Variants in NUDT4 observed in about 807,000 individuals in gnomAD.
The protein encoded by NUDT4 is diphosphoinositol polyphosphate phosphohydrolase 2.
A neutral mutation model predicts 23.1 loss-of-function variants in NUDT4; 5 were observed. The observed-to-expected ratio is 0.22, with a 90% confidence interval of 0.11 to 0.46. The LOEUF is 0.46. Among genes scored for constraint, NUDT4 ranks in the 20% least tolerant of loss-of-function variants. The pLI, the probability that NUDT4 is intolerant of heterozygous loss-of-function variation, is 0.99. For synonymous variants in NUDT4, 50 were observed against 79.0 expected, an observed-to-expected ratio of 0.63 and a Z score of 1.95; for missense variants, 96 against 211.6, an observed-to-expected ratio of 0.45 and a Z score of 3.39.
intron 1 of NUDT4, among the ~76,000 whole-genome samples, chr12:93,391,563 TCAA>T (rs1876504714): frequency 7.9e-6 from 1 of 127,136 alleles, no homozygotes; most frequent in Admixed American, 7.6e-5. Flanking sequence ...AGACTCCATT[TCAA>T]AAAAAAAAAA....
chr12:93,407,127 C>G lies in NUDT4; in HGVS notation c.*7748C>G, dbSNP rs2121042995. 1 of 152,588 alleles carries G rather than the reference C, an allele frequency of 6.6e-6. No homozygotes were observed. The highest frequency in any genetic ancestry group is 2.1e-4 in the South Asian group (1 of 4,826). The allele number at this position is 152,588 out of a possible 1,614,324, so 9.5% of individuals were successfully genotyped here. On this transcript the variant is annotated 3_prime_UTR_variant, in exon 5 of 5. Transcript: ENST00000415493. Reference sequence around the variant, plus strand: ...CCTCCTAAAGTGCTGGGATTACAGGCATGAGCCACTGTGCCCGGCCTGGGC... The same window carrying G: ...CCTCCTAAAGTGCTGGGATTACAGGGATGAGCCACTGTGCCCGGCCTGGGC...
rs937863744 is a variant in NUDT4, at chr12:93,405,140, A to G, written c.*5761A>G. On this transcript the variant is annotated 3_prime_UTR_variant, in exon 5 of 5. Coordinates refer to ENST00000415493, the MANE Select transcript of NUDT4 (RefSeq NM_019094.6). ...CCTAAGAGAAACAGCACCAAGTTCA[A>G]TCTAGTGCAATCAGCCTATCACATC... 6.6e-6 allele frequency: 1 copy of G among 152,158 alleles called. No homozygotes were observed. The highest frequency in any genetic ancestry group is 1.5e-5 in the Non-Finnish European group (1 of 68,022). The allele number at this position is 152,158 out of a possible 1,614,324, so 9.4% of individuals were successfully genotyped here. A position where few individuals can be genotyped will look rare whatever the true frequency, so the allele number is the denominator to read the frequency against.
At position 93,405,648 on chromosome 12, in the gene NUDT4, A is replaced by G. The variant is rs1358669719; in HGVS notation, c.*6269A>G. ...TAAAATGGAGATGAGTGCAGGGGTGAGTGTATAGTTAAGAAAACAAACAAT... is the reference window on the plus strand; with the variant it reads ...TAAAATGGAGATGAGTGCAGGGGTGGGTGTATAGTTAAGAAAACAAACAAT... On this transcript the variant is annotated 3_prime_UTR_variant, in exon 5 of 5. Transcript: ENST00000415493. 2 of 152,244 alleles carry G rather than the reference A, an allele frequency of 1.3e-5. No homozygotes were observed. Among genetic ancestry groups the G allele is most frequent in the East Asian group, 3.8e-4 (2 of 5,206 alleles). The allele number at this position is 152,244 out of a possible 1,614,324, so 9.4% of individuals were successfully genotyped here.
At chr12:93,386,428 A>C (rs1239768238) in intron 1 of NUDT4, among the ~76,000 whole-genome samples, 1 of 152,132 alleles carries the variant, frequency 6.6e-6, no homozygotes, top group Non-Finnish European at 1.5e-5. Flanking sequence ...AATACAAAAA[A>C]AATGAGCCGA....
intron 1 of NUDT4, among the ~76,000 whole-genome samples, chr12:93,385,741 G>A (rs571695434): frequency 6.6e-6 from 1 of 151,802 alleles, no homozygotes; most frequent in East Asian, 1.9e-4. Flanking sequence ...CACTTTTGTA[G>A]GAGGGGCTTA....
At position 93,401,922 on chromosome 12, in the gene NUDT4, A is replaced by ATG; in HGVS notation, c.*2544_*2545insGT. ...CAGAGTGTTGGGACTGTCATTTGTG[A>ATG]TTTTTTTTTTTTTTTTTTGGTGGGG... On this transcript the variant is annotated 3_prime_UTR_variant, in exon 5 of 5. Transcript: ENST00000415493. 1.1e-5 allele frequency: 1 copy of ATG among 92,734 alleles called. No individual in the cohort carries two copies. Among genetic ancestry groups the ATG allele is most frequent in the African/African-American group, 3.7e-5 (1 of 27,114 alleles). The allele number at this position is 92,734 out of a possible 1,614,324, so 5.7% of individuals were successfully genotyped here.
At chr12:93,398,355 A>AAG (rs1555194666) in intron 3 of NUDT4, among the ~76,000 whole-genome samples, 22 of 150,702 alleles carry the variant, frequency 1.5e-4, no homozygotes, top group South Asian at 2.1e-4. Flanking sequence ...AAAAAAAAAA[A>AAG]AAAAGAAAAG....
At chr12:93,385,944 TA>T (rs1565777309) in intron 1 of NUDT4, among the ~76,000 whole-genome samples, 2,570 of 45,062 alleles carry the variant, frequency 0.057, 46 homozygotes, top group South Asian at 0.14. Context: ...AATCTTTTTA[TA>T]TATATATATA....
intron 1 of NUDT4, among the ~76,000 whole-genome samples, chr12:93,385,349 CA>C (rs1259898474): frequency 6.6e-6 from 1 of 152,218 alleles, no homozygotes; most frequent in East Asian, 1.9e-4. Context: ...TCTGGCTCTG[CA>C]ACCTGGTAGA....
chr12:93,392,700 C>T (rs1428251030), intron 1 of NUDT4, among the ~76,000 whole-genome samples: 1 of 95,988 alleles, frequency 1.0e-5, no homozygotes, highest in Non-Finnish European at 2.0e-5. Context: ...GAGATGGAGT[C>T]TTGCTCTGTT....
Position 93,399,182 on chromosome 12 carries a change from A to G in NUDT4, c.346A>G (p.Lys116Glu). 1 of 1,607,176 alleles carries G rather than the reference A, an allele frequency of 6.2e-7. No individual in the cohort carries two copies. Among genetic ancestry groups the G allele is most frequent in the Non-Finnish European group, 8.5e-7 (1 of 1,173,776 alleles). Residue 116 changes from lysine to glutamate, a missense_variant, in exon 5 of 5, where the codon AAG becomes GAG. Coordinates refer to ENST00000415493, the MANE Select transcript of NUDT4 (RefSeq NM_019094.6). Reference protein sequence around the residue: ...DWEDSVNIGRKREWFKVEDAI... With the variant: ...DWEDSVNIGREREWFKVEDAI... ...AATGTCATTCTTTTCTCTAGGAAGG[A>G]AGAGAGAGTGGTTCAAAGTAGAAGA... is the stretch of plus-strand genomic sequence containing the variant.
intron 1 of NUDT4, 79 bp from the exon 2 acceptor site, chr12:93,394,530 C>CT (rs1876791598): frequency 3.8e-6 from 3 of 783,022 alleles, no homozygotes; most frequent in Non-Finnish European, 6.5e-6. Context: ...GAGTTATAAC[C>CT]TTGCAGAGGT....
At chr12:93,379,444 A>T (rs572157780) in intron 1 of NUDT4, among the ~76,000 whole-genome samples, 1 of 152,326 alleles carries the variant, frequency 6.6e-6, no homozygotes, top group Admixed American at 6.5e-5. Flanking sequence ...AAGGCTGGAG[A>T]TGGGAATTTA....
At position 93,404,561 on chromosome 12, in the gene NUDT4, A is replaced by C. The variant is rs1299603522; in HGVS notation, c.*5182A>C. ...GATTTATGAAACTGGTACCAATTTA[A>C]TATTCAAATGTGATTAAGTCATGGC... On this transcript the variant is annotated 3_prime_UTR_variant, in exon 5 of 5. Transcript: ENST00000415493. The C allele has an allele frequency of 6.6e-6, 1 of 152,228 alleles. No individual in the cohort carries two copies. The highest frequency in any genetic ancestry group is 1.5e-5 in the Non-Finnish European group (1 of 68,034). The allele number at this position is 152,228 out of a possible 1,614,324, so 9.4% of individuals were successfully genotyped here.
chr12:93,399,405 C>T lies in NUDT4; in HGVS notation c.*26C>T, dbSNP rs755589515. Reference sequence around the variant, plus strand: ...AGAGAACTGGGTAGGCCTCTCCCACCATGTGCAGTCTCATGGGGAGAGGCT... The same window carrying T: ...AGAGAACTGGGTAGGCCTCTCCCACTATGTGCAGTCTCATGGGGAGAGGCT... On this transcript the variant is annotated 3_prime_UTR_variant, in exon 5 of 5. Coordinates refer to ENST00000415493, the MANE Select transcript of NUDT4 (RefSeq NM_019094.6). 10 of 596,692 alleles carry T rather than the reference C, an allele frequency of 1.7e-5. No individual in the cohort carries two copies. The Admixed American group carries it at 3.1e-4, about 18-fold the overall frequency. 37.0% of individuals were successfully genotyped at this position (596,692 alleles called of 1,614,324 possible). A position where few individuals can be genotyped will look rare whatever the true frequency, so the allele number is the denominator to read the frequency against.
intron 1 of NUDT4, among the ~76,000 whole-genome samples, chr12:93,385,990 T>C (rs1565777392): frequency 6.9e-6 from 1 of 144,860 alleles, no homozygotes. Context: ...TTTTTTTCTT[T>C]TTGAGATAGA....
intron 1 of NUDT4, among the ~76,000 whole-genome samples, chr12:93,381,587 C>T (rs1172377970): frequency 6.6e-6 from 1 of 152,144 alleles, no homozygotes; most frequent in African/African-American, 2.4e-5. Context: ...GTCGGGTATT[C>T]TGGGGTTCAG....
At position 93,405,697 on chromosome 12, in the gene NUDT4, TGACA is replaced by T. The variant is rs1322437866; in HGVS notation, c.*6321_*6324del. ...ATATATTACTAGTCCAGGTGGTAGA[TGACA>T]GATTTTTATTATTTACACTTCTCTC... On this transcript the variant is annotated 3_prime_UTR_variant, in exon 5 of 5. Transcript: ENST00000415493. The T allele has an allele frequency of 1.3e-5, 2 of 152,200 alleles. No individual in the cohort carries two copies. The highest frequency in any genetic ancestry group is 3.8e-4 in the East Asian group (2 of 5,198). The allele number at this position is 152,200 out of a possible 1,614,324, so 9.4% of individuals were successfully genotyped here. A position where few individuals can be genotyped will look rare whatever the true frequency, so the allele number is the denominator to read the frequency against.
rs574371663 is a variant in NUDT4, at chr12:93,400,914, A to G, written c.*1535A>G. 6.5e-6 allele frequency: 1 copy of G among 152,686 alleles called. No homozygotes were observed. Among genetic ancestry groups the G allele is most frequent in the Admixed American group, 6.5e-5 (1 of 15,310 alleles). The allele number at this position is 152,686 out of a possible 1,614,324, so 9.5% of individuals were successfully genotyped here. On this transcript the variant is annotated 3_prime_UTR_variant, in exon 5 of 5. Transcript: ENST00000415493. ...GAGCCACCATGCCCAGCCAAAGATC[A>G]TTTTTTTATATAGACTTCAGCCCTT...
Sources: allele counts gnomAD v4.1 joint callset (sites outside exome capture counted in the v4.1 genomes callset), GRCh38; gene constraint gnomAD v4.1.1; transcripts MANE v1.5; gene names NCBI Gene and HGNC (gene_info 2026-07-23, HGNC 2026-07-21).